The following DDX60 variants were observed in gnomAD, a reference collection of about 807,000 sequenced individuals.
DDX60 encodes the protein DExD/H-box helicase 60.
DDX60 carries 165 observed loss-of-function variants against 212.8 expected under a neutral mutation model. The ratio of observed to expected loss-of-function variants is 0.78; its 90% CI spans 0.68 to 0.88. DDX60 has a LOEUF of 0.88. Among genes scored for constraint, DDX60 ranks in the 40% least tolerant of loss-of-function variants. The pLI, the probability that DDX60 is intolerant of heterozygous loss-of-function variation, is 0.00. For synonymous variants in DDX60, 703 were observed against 685.3 expected (o/e 1.03, Z -0.40); for missense variants, 1,905 against 2,003.9 (o/e 0.95, Z 0.94).
intron 35 of DDX60, among the ~76,000 whole-genome samples, chr4:168,223,696 A>G (rs1422962786): frequency 6.6e-6 from 1 of 152,100 alleles, no homozygotes; most frequent in Non-Finnish European, 1.5e-5. Flanking sequence ...TTTAAGTGAT[A>G]CATGACTATG....
In DDX60 at chr4:168,246,490, G is replaced by A. The variant is rs369482931; in HGVS notation, c.4092C>T (p.Leu1364=). 48 of 1,614,062 alleles carry A rather than the reference G, an allele frequency of 3.0e-5. 1 individual carries two copies. In the African/African-American group the frequency reaches 4.7e-4, roughly 16 times the overall value. Residue 1364 remains leucine (L), a synonymous_variant, in exon 30 of 38, where the codon CTC becomes CTT. Transcript: ENST00000393743. ...NVPELRGHFP[L]SITLVLRLML... ...TGAGTCGCAGGACCAGGGTTATGCT[G>A]AGAGGGAAGTGTCCTCTCAGCTCAG... is the stretch of plus-strand genomic sequence containing the variant.
chr4:168,250,912 CA>C (rs1734197380), intron 28 of DDX60, 41 bp downstream of exon 28: 1 of 1,451,558 alleles, frequency 6.9e-7, no homozygotes, highest in Non-Finnish European at 9.5e-7. Context: ...CAGCTTGAAA[CA>C]GTCACAATTT....
chr4:168,293,460 T>C (rs760437755), intron 7 of DDX60, among the ~76,000 whole-genome samples: 1 of 152,160 alleles, frequency 6.6e-6, no homozygotes, highest in Non-Finnish European at 1.5e-5. Context: ...TTGTGAGGAT[T>C]TAAGGGCACA....
chr4:168,280,304 C>A, intron 14 of DDX60, 31 bp downstream of exon 14: 1 of 1,574,986 alleles, frequency 6.3e-7, no homozygotes, highest in Non-Finnish European at 8.6e-7. Context: ...AATTCTCCAA[C>A]TCACCGAAAT....
chr4:168,314,854 T>C (rs1156486121), intron 1 of DDX60, among the ~76,000 whole-genome samples: 1 of 152,070 alleles, frequency 6.6e-6, no homozygotes, highest in Non-Finnish European at 1.5e-5. Context: ...AAGAACAACA[T>C]AATGTGTTTA....
chr4:168,279,591 A>G (rs1036218649), intron 14 of DDX60, among the ~76,000 whole-genome samples: 8 of 152,256 alleles, frequency 5.3e-5, no homozygotes, highest in African/African-American at 1.9e-4. Context: ...GGAAGAATTT[A>G]TGGAGTAAAG....
intron 1 of DDX60, among the ~76,000 whole-genome samples, chr4:168,315,954 G>A (rs1221495255): frequency 6.6e-6 from 1 of 152,168 alleles, no homozygotes; most frequent in Non-Finnish European, 1.5e-5. Context: ...TAATGGGATT[G>A]CTGGGTCGAA....
chr4:168,275,522 C>A lies in DDX60; in HGVS notation c.2146-19G>T. ...CTGCATCCTGCATTATTTTAAAAGTCCATTTTGAAAATGACATTGAATTAG... is the reference window on the plus strand; with the variant it reads ...CTGCATCCTGCATTATTTTAAAAGTACATTTTGAAAATGACATTGAATTAG... On this transcript the variant is annotated intron_variant, in intron 15 of 37. Coordinates refer to ENST00000393743, the MANE Select transcript of DDX60 (RefSeq NM_017631.6). 1.3e-6 allele frequency: 2 copies of A among 1,559,072 alleles called. No individual in the cohort carries two copies. Among genetic ancestry groups the A allele is most frequent in the Non-Finnish European group, 8.7e-7 (1 of 1,148,906 alleles).
Position 168,255,706 on chromosome 4 carries a change from C to A in DDX60, c.3557+5G>T. 1 of 1,579,030 alleles carries A rather than the reference C, an allele frequency of 6.3e-7. No individual in the cohort carries two copies. The highest frequency in any genetic ancestry group is 8.5e-7 in the Non-Finnish European group (1 of 1,170,060). On this transcript the variant is annotated splice_donor_5th_base_variant and intron_variant, in intron 26 of 37. Coordinates refer to ENST00000393743, the MANE Select transcript of DDX60 (RefSeq NM_017631.6). ...ACTTATCAATTTGTTTAGTTAACTA[C>A]TTACATGATCTTTTGTTTCTCTATG...
intron 30 of DDX60, among the ~76,000 whole-genome samples, chr4:168,240,772 C>A (rs1157509972): frequency 6.6e-6 from 1 of 152,156 alleles, no homozygotes; most frequent in Non-Finnish European, 1.5e-5. Context: ...TATCCTTACA[C>A]CTTATACAAA....
intron 33 of DDX60, among the ~76,000 whole-genome samples, chr4:168,233,934 G>C (rs1733543376): frequency 2.0e-5 from 3 of 152,102 alleles, no homozygotes; most frequent in Non-Finnish European, 4.4e-5. Context: ...AAAAGCAATA[G>C]CATGTCTAAT....
At position 168,267,894 on chromosome 4, in the gene DDX60, G is replaced by T; in HGVS notation, c.2876C>A (p.Ala959Asp). Residue 959 changes from alanine to aspartate, a missense_variant, in exon 21 of 38, where the codon GCC becomes GAC. Coordinates refer to ENST00000393743, the MANE Select transcript of DDX60 (RefSeq NM_017631.6). ...TTGCAAGTAGTCTTTGGGAAAGCCGGCCTGACGACCCACATGTCTTTTAGA... is the reference window on the plus strand; with the variant it reads ...TTGCAAGTAGTCTTTGGGAAAGCCGTCCTGACGACCCACATGTCTTTTAGA... ...TASKRHVGRQAGFPKDYLQVK... is the reference protein window; with the variant it reads ...TASKRHVGRQDGFPKDYLQVK... 1 of 1,613,364 alleles carries T rather than the reference G, an allele frequency of 6.2e-7. No homozygotes were observed. The highest frequency in any genetic ancestry group is 8.5e-7 in the Non-Finnish European group (1 of 1,179,610).
chr4:168,243,245 A>C (rs1245908433), intron 30 of DDX60, among the ~76,000 whole-genome samples: 5 of 152,228 alleles, frequency 3.3e-5, no homozygotes, highest in African/African-American at 4.8e-5. Context: ...AAGCAATTGC[A>C]ACAAAAGCAA....
At position 168,220,675 on chromosome 4, in the gene DDX60, T is replaced by A; in HGVS notation, c.5019A>T (p.Ala1673=). ...GDAYYLLKDF[A]LTIKSISVSL... ...CACACCTGATAGATTTAATGGTGAG[T>A]GCAAAATCCTTCAACAAATAATAAG... The change falls in exon 37 of 38, where the codon GCA becomes GCT. Residue 1673 remains alanine, a synonymous_variant. Coordinates refer to ENST00000393743, the MANE Select transcript of DDX60 (RefSeq NM_017631.6). 2.0e-6 allele frequency: 3 copies of A among 1,463,994 alleles called. No homozygotes were observed. Among genetic ancestry groups the A allele is most frequent in the Non-Finnish European group, 2.7e-6 (3 of 1,103,318 alleles). The allele number at this position is 1,463,994 out of a possible 1,614,324, so 90.7% of individuals were successfully genotyped here.
intron 13 of DDX60, among the ~76,000 whole-genome samples, chr4:168,283,013 A>G (rs1398214317): frequency 3.3e-5 from 5 of 152,146 alleles, no homozygotes; most frequent in African/African-American, 4.8e-5. Context: ...CTTCCACTCA[A>G]AAAATGTGTT....
intron 6 of DDX60, among the ~76,000 whole-genome samples, chr4:168,294,604 G>A (rs1026059668): frequency 1.3e-4 from 20 of 151,958 alleles, no homozygotes; most frequent in African/African-American, 4.8e-4. Context: ...AGGCTCAAGC[G>A]ATTCTCTTGC....
chr4:168,280,497 A>T lies in DDX60; in HGVS notation c.1816T>A (p.Phe606Ile), dbSNP rs143109820. The change falls in exon 14 of 38, where the codon TTT becomes ATT. Residue 606 changes from phenylalanine (F) to isoleucine (I), a missense_variant. Coordinates refer to ENST00000393743, the MANE Select transcript of DDX60 (RefSeq NM_017631.6). ...KEEQKWNALS[F>I]SIEEQLKENL... ...TCTTTCAATTGCTCTTCAATAGAAA[A>T]TGACAAAGCATTCCACTTTTGCTCT... 6.2e-7 allele frequency: 1 copy of T among 1,614,166 alleles called. No homozygotes were observed. The highest frequency in any genetic ancestry group is 8.5e-7 in the Non-Finnish European group (1 of 1,180,008).
rs780985010 is a variant in DDX60 at position 168,280,346 on chromosome 4, C to A, written c.1967G>T (p.Arg656Leu). ...ACAGAATTACATACCTTCTTCACTT[C>A]GGCAATGTTCTTTCCAGGCTTTCAA... ...ACLKAWKEHCRSEEGKTTKDL... is the reference protein window; with the variant it reads ...ACLKAWKEHCLSEEGKTTKDL... Residue 656 changes from arginine (R) to leucine (L), a missense_variant, in exon 14 of 38, where the codon CGA becomes CTA. Physicochemically the swap from Arg to Leu is moderately radical, Grantham distance 102. Transcript: ENST00000393743. 2 of 1,610,626 alleles carry A rather than the reference C, an allele frequency of 1.2e-6. No individual in the cohort carries two copies. The highest frequency in any genetic ancestry group is 1.3e-5 in the African/African-American group (1 of 74,774).
At chr4:168,222,900 T>C (rs1056421291) in intron 35 of DDX60, among the ~76,000 whole-genome samples, 1 of 151,982 alleles carries the variant, frequency 6.6e-6, no homozygotes, top group African/African-American at 2.4e-5. Flanking sequence ...AACAGGCTGT[T>C]TGATATTCAC....
Sources: allele counts gnomAD v4.1 joint callset (sites outside exome capture counted in the v4.1 genomes callset), GRCh38; gene constraint gnomAD v4.1.1; transcripts MANE v1.5; gene names NCBI Gene and HGNC (gene_info 2026-07-23, HGNC 2026-07-21).